SELP: variants seen among roughly 807,000 people sequenced by gnomAD.
The protein encoded by SELP is P-selectin.
In SELP, 92 loss-of-function variants were observed where a neutral mutation model predicts 104.1. The observed-to-expected ratio is 0.88, with a 90% CI of 0.75 to 1.05. SELP has a LOEUF of 1.05. Among genes scored for constraint, SELP ranks in the 50% least tolerant of loss-of-function variants. The probability of loss-of-function intolerance (pLI) is 0.00; values close to 1 mark genes in which losing one functional copy is unlikely to be tolerated. For missense variants in SELP, 1,022 were observed against 1,017.3 expected, an observed-to-expected ratio of 1.00 and a Z score of -0.06; for synonymous variants, 397 against 364.5, an observed-to-expected ratio of 1.09 and a Z score of -1.01.
At chr1:169,601,549 G>C (rs1286096809) in intron 10 of SELP, among the ~76,000 whole-genome samples, 4 of 152,208 alleles carry the variant, frequency 2.6e-5, no homozygotes, top group Non-Finnish European at 5.9e-5. Context: ...CTGATCACCA[G>C]GCACTGCCAT....
rs3917665 is a variant in SELP, at chr1:169,627,223, G to A, written c.3+2849C>T. On this transcript the variant is annotated intron_variant, in intron 1 of 16. Coordinates refer to ENST00000263686, the MANE Select transcript of SELP (RefSeq NM_003005.4). ...CATTAGTTCCCTTATGTTTCTGGAC[G>A]GTGGTGGTGTTAGTGGTGTGGCACA... Among the ~76,000 whole-genome samples the A allele has an allele frequency of 7.1e-3, 1,076 of 152,308 alleles. 14 individuals are homozygous for A. The highest frequency in any genetic ancestry group is 0.025 in the African/African-American group (1,022 of 41,558).
chr1:169,599,844 G>A lies in SELP; in HGVS notation c.1706-2668C>T, dbSNP rs138735090. Among the ~76,000 whole-genome samples, 503 of 152,268 alleles carry A rather than the reference G, an allele frequency of 3.3e-3. 5 individuals are homozygous for A. The highest frequency in any genetic ancestry group is 0.012 in the African/African-American group (489 of 41,552). On this transcript the variant is annotated intron_variant, in intron 10 of 16. Transcript: ENST00000263686. Reference sequence around the variant, plus strand: ...GTGAGTAAGCAGGCACATGGCAGAAGAGCAGAGTTGAGGTTGGGACTTGGA... The same window carrying A: ...GTGAGTAAGCAGGCACATGGCAGAAAAGCAGAGTTGAGGTTGGGACTTGGA...
rs759161943 is a variant in SELP at position 169,611,608 on chromosome 1, A to C, written c.1031T>G (p.Phe344Cys). The C allele has an allele frequency of 1.2e-6, 2 of 1,614,168 alleles. No individual in the cohort carries two copies. Among genetic ancestry groups the C allele is most frequent in the South Asian group, 2.2e-5 (2 of 91,084 alleles). The change falls in exon 7 of 17, where the codon TTT becomes TGT. Residue 344 changes from phenylalanine to cysteine, a missense_variant. Coordinates refer to ENST00000263686, the MANE Select transcript of SELP (RefSeq NM_003005.4). The stretch of plus-strand genomic sequence containing the variant: ...AAATTTACAGCTGGAGCCATAGGCA[A>C]AAGCAGTGAGCGGATGAACACAGTC... ...TMDCVHPLTAFAYGSSCKFEC... is the reference protein window; with the variant it reads ...TMDCVHPLTACAYGSSCKFEC...
In SELP at chr1:169,595,923, A is replaced by C; in HGVS notation, c.2101+2T>G. On this transcript the variant is annotated splice_donor_variant, in intron 12 of 16. Transcript: ENST00000263686. LOFTEE classifies it high-confidence loss of function. Reference sequence around the variant, plus strand: ...AGAACTGCCTGCTCCTTTTCACCTTACCTCTGCATGCTGGAGTTACTGCTG... The same window carrying C: ...AGAACTGCCTGCTCCTTTTCACCTTCCCTCTGCATGCTGGAGTTACTGCTG... 6.2e-7 allele frequency: 1 copy of C among 1,612,944 alleles called. No individual in the cohort carries two copies. Among genetic ancestry groups the C allele is most frequent in the Non-Finnish European group, 8.5e-7 (1 of 1,179,522 alleles).
chr1:169,604,637 C>T (rs1488247849), intron 9 of SELP, among the ~76,000 whole-genome samples: 1 of 152,188 alleles, frequency 6.6e-6, no homozygotes, highest in African/African-American at 2.4e-5. Context: ...TCCTTTCAAT[C>T]TGATCAACTT....
At chr1:169,623,013 C>T (rs968245698) in intron 1 of SELP, among the ~76,000 whole-genome samples, 1 of 152,080 alleles carries the variant, frequency 6.6e-6, no homozygotes, top group African/African-American at 2.4e-5. Flanking sequence ...TCTTCTTTTG[C>T]TTTTAAAATT....
At chr1:169,629,234 C>T (rs1483301257) in intron 1 of SELP, among the ~76,000 whole-genome samples, 4 of 152,214 alleles carry the variant, frequency 2.6e-5, no homozygotes, top group Non-Finnish European at 2.9e-5. Flanking sequence ...AGCCTAACCA[C>T]GTGCATCTTA....
In SELP at chr1:169,591,408, A is replaced by G; in HGVS notation, c.2438+18T>C. 3 of 1,562,708 alleles carry G rather than the reference A, an allele frequency of 1.9e-6. No individual in the cohort carries two copies. The highest frequency in any genetic ancestry group is 2.6e-6 in the Non-Finnish European group (3 of 1,147,958). On this transcript the variant is annotated intron_variant, in intron 15 of 16. Transcript: ENST00000263686. ...AAGGTAGCAAAATTTACTCAATCAT[A>G]AAACATTTCTACCTTACCTGTGAGG...
chr1:169,613,845 T>G, intron 3 of SELP, 152 bp from the exon 4 acceptor site: 1 of 640,768 alleles, frequency 1.6e-6, no homozygotes, highest in South Asian at 1.8e-5. Flanking sequence ...AGCCAACCTG[T>G]CCCTTGTGAA....
Position 169,609,503 on chromosome 1 carries a change from C to A in SELP, c.1333+1G>T, listed in dbSNP as rs375862171. On this transcript the variant is annotated splice_donor_variant, in intron 8 of 16. Coordinates refer to ENST00000263686, the MANE Select transcript of SELP (RefSeq NM_003005.4). LOFTEE classifies it high-confidence loss of function. ...GAAAAACATTACCACTGTTACAGTACCTTGACAGACTGGGGCTGGTGCTGT... is the reference window on the plus strand; with the variant it reads ...GAAAAACATTACCACTGTTACAGTAACTTGACAGACTGGGGCTGGTGCTGT... 17 of 1,611,790 alleles carry A rather than the reference C, an allele frequency of 1.1e-5. No homozygotes were observed. Among genetic ancestry groups the A allele is most frequent in the Non-Finnish European group, 1.4e-5 (17 of 1,178,762 alleles).
intron 15 of SELP, among the ~76,000 whole-genome samples, chr1:169,591,116 C>T (rs1032086147): frequency 5.9e-5 from 9 of 152,138 alleles, no homozygotes; most frequent in Non-Finnish European, 1.0e-4. Flanking sequence ...AGTCCACCTG[C>T]GTGGGCGTTG....
chr1:169,622,615 C>T (rs3917679), intron 1 of SELP, among the ~76,000 whole-genome samples: 76,923 of 152,000 alleles, frequency 0.51, 19,860 homozygotes, highest in Middle Eastern at 0.62. Context: ...TCAAAACTTG[C>T]AGTATATTTA....
At chr1:169,592,525 C>T (rs956609215) in intron 14 of SELP, among the ~76,000 whole-genome samples, 4 of 152,018 alleles carry the variant, frequency 2.6e-5, no homozygotes, top group African/African-American at 9.7e-5. Flanking sequence ...AAGAAGAGCC[C>T]CATTAGGTTA....
intron 7 of SELP, among the ~76,000 whole-genome samples, chr1:169,610,035 C>T (rs1662434546): frequency 6.6e-6 from 1 of 152,116 alleles, no homozygotes. Flanking sequence ...ACCGTGGTCT[C>T]CTCGAAGTTG....
intron 10 of SELP, among the ~76,000 whole-genome samples, chr1:169,602,149 C>T (rs1189928496): frequency 6.6e-6 from 1 of 152,128 alleles, no homozygotes; most frequent in Non-Finnish European, 1.5e-5. Context: ...TAAATGATCA[C>T]CTTCAATTCA....
At position 169,619,206 on chromosome 1, in the gene SELP, A is replaced by G. The variant is rs1275273183; in HGVS notation, c.17T>C (p.Ile6Thr). ...CTGGAATCTCTGGTACAAGATGGCT[A>G]TTTGGCAGTTGGCCTGAAACAAGAA... MANCQ[I>T]AILYQRFQRV... Residue 6 changes from isoleucine to threonine, a missense_variant, in exon 2 of 17, where the codon ATA becomes ACA. Physicochemically the swap from Ile to Thr is moderately conservative, Grantham distance 89 (BLOSUM62 -1). Transcript: ENST00000263686. The G allele has an allele frequency of 6.2e-7, 1 of 1,614,008 alleles. No individual in the cohort carries two copies. Among genetic ancestry groups the G allele is most frequent in the South Asian group, 1.1e-5 (1 of 91,074 alleles).
In SELP at chr1:169,622,073, C is replaced by T. The variant is rs3917685; in HGVS notation, c.4-2854G>A. 6.6e-3 allele frequency among the ~76,000 whole-genome samples: 999 copies of T among 152,336 alleles called. 2 individuals carry two copies. The highest frequency in any genetic ancestry group is 0.01 in the Middle Eastern group (3 of 294). ...CAATCTGCCTAAAATACACCTTTCT[C>T]CCACTTTATAAGAGAAAAATTATAC... On this transcript the variant is annotated intron_variant, in intron 1 of 16. Coordinates refer to ENST00000263686, the MANE Select transcript of SELP (RefSeq NM_003005.4).
At chr1:169,598,931 C>G (rs1421858531) in intron 10 of SELP, among the ~76,000 whole-genome samples, 1 of 152,010 alleles carries the variant, frequency 6.6e-6, no homozygotes, top group Non-Finnish European at 1.5e-5. Flanking sequence ...CGAAGGGGGC[C>G]CTAGTATAAA....
intron 15 of SELP, 146 bp downstream of exon 15, chr1:169,591,280 A>AT (rs1661343050): frequency 7.8e-6 from 4 of 509,764 alleles, no homozygotes; most frequent in Non-Finnish European, 7.1e-6. Flanking sequence ...TTATCTGTGT[A>AT]TTTTACTTCA....
Sources: gnomAD v4.1 joint callset for allele counts (sites outside exome capture counted in the v4.1 genomes callset) on GRCh38, gnomAD v4.1.1 for gene constraint, MANE v1.5 for transcripts, NCBI Gene and HGNC (gene_info 2026-07-23, HGNC 2026-07-21) for gene names.